The following SDCCAG8 variants were observed in gnomAD, a reference collection of about 807,000 sequenced individuals.
SDCCAG8 encodes SHH signaling and ciliogenesis regulator SDCCAG8.
Under a neutral mutation model 101.8 loss-of-function variants are expected in SDCCAG8, and 74 were observed. The observed-to-expected ratio is 0.73, with a 90% confidence interval of 0.60 to 0.88. The LOEUF (loss-of-function observed/expected upper bound fraction) is 0.88, where lower values mean the gene tolerates loss of function less well. SDCCAG8 is among the 40% of genes least tolerant of loss of function. The pLI, the probability that SDCCAG8 is intolerant of heterozygous loss-of-function variation, is 0.00. For synonymous variants in SDCCAG8, 281 were observed against 292.9 expected (o/e 0.96, Z 0.41); for missense variants, 787 against 822.6 (o/e 0.96, Z 0.53).
chr1:243,340,129 C>T (rs2484637), intron 10 of SDCCAG8, among the ~76,000 whole-genome samples: 143,815 of 152,306 alleles, frequency 0.94, 68,448 homozygotes, highest in East Asian at 1. Flanking sequence ...TAAGTATTTA[C>T]TCATTCATCA....
chr1:243,316,865 C>T lies in SDCCAG8; in HGVS notation c.1040C>T (p.Ser347Phe). Residue 347 changes from serine (S) to phenylalanine (F), a missense_variant, in exon 9 of 18, where the codon TCT becomes TTT. By Grantham distance (155) the Ser-to-Phe change is radical. Transcript: ENST00000366541. ...YEQVKQVLQI[S>F]EEANFEKTKA... ...CAGGTGAAACAAGTTTTGCAAATAT[C>T]TGAGGAAGCCAATTTTGAAAAAACC... is the stretch of plus-strand genomic sequence containing the variant. The T allele has an allele frequency of 6.2e-7, 1 of 1,614,060 alleles. No homozygotes were observed.
chr1:243,268,737 A>G (rs780552797), intron 1 of SDCCAG8, among the ~76,000 whole-genome samples: 3 of 152,210 alleles, frequency 2.0e-5, no homozygotes, highest in Non-Finnish European at 4.4e-5. Flanking sequence ...AAACTTTGAA[A>G]TCAGTGCACT....
At chr1:243,324,459 CTTT>C (rs34446782) in intron 9 of SDCCAG8, among the ~76,000 whole-genome samples, 1 of 87,014 alleles carries the variant, frequency 1.1e-5, no homozygotes, top group Non-Finnish European at 2.0e-5. Context: ...TCTTCACATG[CTTT>C]TTTTTTTTTT....
At chr1:243,261,856 T>C (rs1286283820) in intron 1 of SDCCAG8, among the ~76,000 whole-genome samples, 16 of 151,432 alleles carry the variant, frequency 1.1e-4, no homozygotes, top group Admixed American at 1.1e-3. Context: ...GCTTTTCTTT[T>C]TCTTTTTTTT....
chr1:243,411,140 G>T (rs1443203653), intron 13 of SDCCAG8, among the ~76,000 whole-genome samples: 1 of 151,880 alleles, frequency 6.6e-6, no homozygotes, highest in Non-Finnish European at 1.5e-5. Context: ...TTGAGACAGG[G>T]TCTCACTCTG....
At chr1:243,489,362 C>T (rs1229652113) in intron 17 of SDCCAG8, among the ~76,000 whole-genome samples, 1 of 152,202 alleles carries the variant, frequency 6.6e-6, no homozygotes, top group African/African-American at 2.4e-5. Flanking sequence ...GTGAACAGAC[C>T]CCGGCCCGCG....
intron 4 of SDCCAG8, among the ~76,000 whole-genome samples, chr1:243,277,056 G>A (rs2068633719): frequency 6.6e-6 from 1 of 152,132 alleles, no homozygotes; most frequent in South Asian, 2.1e-4. Context: ...ACCTATGGGA[G>A]GGCATCTTTG....
chr1:243,440,378 T>C (rs1401480257), intron 16 of SDCCAG8, among the ~76,000 whole-genome samples: 1 of 152,210 alleles, frequency 6.6e-6, no homozygotes, highest in African/African-American at 2.4e-5. Flanking sequence ...TAAGCTCTGC[T>C]GCTAGACAGG....
intron 16 of SDCCAG8, among the ~76,000 whole-genome samples, chr1:243,445,121 T>G (rs1012030111): frequency 1.4e-4 from 21 of 152,228 alleles, no homozygotes; most frequent in African/African-American, 4.8e-4. Context: ...TTCCAAATAT[T>G]ATTTTCTAAT....
At chr1:243,391,847 G>A (rs116592869) in intron 13 of SDCCAG8, among the ~76,000 whole-genome samples, 2,103 of 152,278 alleles carry the variant, frequency 0.014, 52 homozygotes, top group African/African-American at 0.049. Flanking sequence ...GGTGGTAGGC[G>A]GTCAAGGTGA....
chr1:243,344,095 C>T, intron 11 of SDCCAG8, 120 bp from the exon 12 acceptor site: 1 of 785,806 alleles, frequency 1.3e-6, no homozygotes, highest in Non-Finnish European at 2.3e-6. Context: ...AAATGGCATT[C>T]TTAGAAAAGT....
chr1:243,295,421 A>G (rs1251335460), intron 6 of SDCCAG8, among the ~76,000 whole-genome samples: 3 of 152,040 alleles, frequency 2.0e-5, no homozygotes. Flanking sequence ...TATTTTTAGT[A>G]GAGACGGGGT....
chr1:243,486,829 A>G (rs1054314116), intron 16 of SDCCAG8, among the ~76,000 whole-genome samples: 13 of 152,230 alleles, frequency 8.5e-5, no homozygotes, highest in Non-Finnish European at 1.6e-4. Context: ...TCATGGTGTC[A>G]CTTGTCACGT....
At chr1:243,294,501 A>AAGAGAGAGAGAGAGAGAGAGAGAGAGAG (rs2070627731) in intron 6 of SDCCAG8, among the ~76,000 whole-genome samples, 13 of 26,694 alleles carry the variant, frequency 4.9e-4, no homozygotes, top group African/African-American at 1.6e-3. Flanking sequence ...GAGAGAGAGA[A>AAGAGAGAGAGAGAGAGAGAGAGAGAGAG]AGAGCGAGAG....
chr1:243,415,664 C>A, intron 13 of SDCCAG8, 38 bp from the exon 14 acceptor site: 1 of 1,613,354 alleles, frequency 6.2e-7, no homozygotes, highest in Non-Finnish European at 8.5e-7. Flanking sequence ...TGTGCATCTG[C>A]AGATTAAATT....
At chr1:243,332,731 G>A (rs557806797) in intron 10 of SDCCAG8, among the ~76,000 whole-genome samples, 14 of 151,404 alleles carry the variant, frequency 9.2e-5, no homozygotes, top group South Asian at 4.2e-4. Flanking sequence ...GGTGATTTTC[G>A]CGGTCCAGGT....
intron 13 of SDCCAG8, 73 bp from the exon 14 acceptor site, chr1:243,415,629 G>T: frequency 6.2e-7 from 1 of 1,600,868 alleles, no homozygotes; most frequent in Non-Finnish European, 8.6e-7. Context: ...GCTCTCTCTG[G>T]TCTATAGGGG....
At chr1:243,451,648 G>A (rs2083364600) in intron 16 of SDCCAG8, among the ~76,000 whole-genome samples, 1 of 152,134 alleles carries the variant, frequency 6.6e-6, no homozygotes. Flanking sequence ...ATTTAAGCCA[G>A]GCCCGATGGC....
chr1:243,466,460 T>G (rs1268492524), intron 16 of SDCCAG8, among the ~76,000 whole-genome samples: 1 of 152,248 alleles, frequency 6.6e-6, no homozygotes, highest in Non-Finnish European at 1.5e-5. Flanking sequence ...GTTCAAATCC[T>G]GTCTCTACTA....
Sources: gnomAD v4.1 joint callset for allele counts (sites outside exome capture counted in the v4.1 genomes callset) on GRCh38, gnomAD v4.1.1 for gene constraint, MANE v1.5 for transcripts, NCBI Gene and HGNC (gene_info 2026-07-23, HGNC 2026-07-21) for gene names.